NR5A1: variants seen among roughly 807,000 people sequenced by gnomAD.
NR5A1 encodes the protein steroidogenic factor 1.
In NR5A1, 6 loss-of-function variants were observed where a neutral mutation model predicts 42.7. That is an observed-to-expected ratio of 0.14 (90% confidence interval 0.08 to 0.28). The LOEUF (loss-of-function observed/expected upper bound fraction) is 0.28. Among genes scored for constraint, NR5A1 ranks in the 10% least tolerant of loss-of-function variants. The probability of loss-of-function intolerance (pLI) is 1.00; values close to 1 mark genes in which losing one functional copy is unlikely to be tolerated. For missense variants in NR5A1, 442 were observed against 626.4 expected (o/e 0.71, Z 3.14); for synonymous variants, 274 against 277.5 (o/e 0.99, Z 0.12).
intron 3 of NR5A1, among the ~76,000 whole-genome samples, chr9:124,502,703 A>C (rs1206733419): frequency 6.6e-6 from 1 of 152,186 alleles, no homozygotes; most frequent in African/African-American, 2.4e-5. Flanking sequence ...AGCCTGACTG[A>C]CAGTGCGGGC....
In NR5A1 at chr9:124,500,783, T is replaced by C. The variant is rs1832460021; in HGVS notation, c.245-68A>G. ...CCCTTCCATGCTGCCCCACCACAGA[T>C]CCTTTCCAAACAAATCTGACCGCTC... On this transcript the variant is annotated intron_variant, in intron 3 of 6. Transcript: ENST00000373588. This position sits in a 1 kb window ranked among gnomAD's most constrained non-coding sequence, Gnocchi z 6.9. 4 of 1,610,044 alleles carry C rather than the reference T, an allele frequency of 2.5e-6. No individual in the cohort carries two copies. The South Asian group carries it at 4.4e-5, about 18-fold the overall frequency.
At chr9:124,499,971 C>A (rs1057219558) in intron 4 of NR5A1, 119 bp downstream of exon 4, 21 of 1,497,872 alleles carry the variant, frequency 1.4e-5, no homozygotes, top group Non-Finnish European at 1.9e-5. Flanking sequence ...CCTCCGGGTC[C>A]CCAGGTACTG....
chr9:124,504,047 A>AGAC (rs1554721955), intron 1 of NR5A1, among the ~76,000 whole-genome samples: 68 of 130,870 alleles, frequency 5.2e-4, no homozygotes, highest in Non-Finnish European at 9.2e-4. Flanking sequence ...AGAGAGAGAG[A>AGAC]GAGACGAGAG....
chr9:124,484,285 G>T (rs1442022682), intron 6 of NR5A1, among the ~76,000 whole-genome samples: 1 of 152,226 alleles, frequency 6.6e-6, no homozygotes, highest in East Asian at 1.9e-4. Context: ...ATGGTGGCAA[G>T]GAGGGGGCCT....
In NR5A1 at chr9:124,497,786, C is replaced by T. The variant is rs551403593; in HGVS notation, c.870+2304G>A. Among the ~76,000 whole-genome samples the T allele has an allele frequency of 3.3e-5, 5 of 152,360 alleles. No individual in the cohort carries two copies. The East Asian group carries it at 5.8e-4, about 18-fold the overall frequency. On this transcript the variant is annotated intron_variant, in intron 4 of 6. Transcript: ENST00000373588. ...CAGGCCCATTGGAACTCCCGGAACA[C>T]GATGCCTCTTCACATTTCGGGACCT...
Position 124,503,452 on chromosome 9 carries a change from G to A in NR5A1, c.-15-42C>T. On this transcript the variant is annotated intron_variant, in intron 1 of 6. Transcript: ENST00000373588. This position sits in a 1 kb window ranked among gnomAD's most constrained non-coding sequence, Gnocchi z 9.6. ...GGTCAGGGAGGGCCGGCGGAGACCG[G>A]CAGCCTGGGGTCCCCGCGGCCGCCG... 1 of 1,512,450 alleles carries A rather than the reference G, an allele frequency of 6.6e-7. No individual in the cohort carries two copies. The highest frequency in any genetic ancestry group is 2.0e-5 in the Admixed American group (1 of 50,586). The allele number at this position is 1,512,450 out of a possible 1,614,324, so 93.7% of individuals were successfully genotyped here.
chr9:124,503,440 C>G lies in NR5A1; in HGVS notation c.-15-30G>C. On this transcript the variant is annotated intron_variant, in intron 1 of 6. Transcript: ENST00000373588. The surrounding 1 kb of genome is among the most constrained non-coding windows in gnomAD (Gnocchi z 9.6). ...GGAGGGACAGCGGGTCAGGGAGGGC[C>G]GGCGGAGACCGGCAGCCTGGGGTCC... is the stretch of plus-strand genomic sequence containing the variant. 1.3e-6 allele frequency: 2 copies of G among 1,547,258 alleles called. No individual in the cohort carries two copies. The highest frequency in any genetic ancestry group is 1.2e-5 in the South Asian group (1 of 85,038).
At position 124,503,059 on chromosome 9, in the gene NR5A1, G is replaced by A. The variant is rs1472676202; in HGVS notation, c.244+20C>T. The A allele has an allele frequency of 6.4e-7, 1 of 1,555,200 alleles. No individual in the cohort carries two copies. The highest frequency in any genetic ancestry group is 1.2e-5 in the South Asian group (1 of 85,054). ...CTCAGGCTGTGGGGGGTCAGGGGTC[G>A]AGGCCCGCGCGGCGCGCACCTTCCA... On this transcript the variant is annotated intron_variant, in intron 3 of 6. Coordinates refer to ENST00000373588, the MANE Select transcript of NR5A1 (RefSeq NM_004959.5). This position sits in a 1 kb window ranked among gnomAD's most constrained non-coding sequence, Gnocchi z 9.6.
Position 124,482,734 on chromosome 9 carries a change from C to T in NR5A1, c.*24G>A. 4.4e-6 allele frequency: 4 copies of T among 900,784 alleles called. No homozygotes were observed. Among genetic ancestry groups the T allele is most frequent in the Non-Finnish European group, 6.4e-6 (4 of 628,218 alleles). 55.8% of individuals were successfully genotyped at this position (900,784 alleles called of 1,614,324 possible). A position where few individuals can be genotyped will look rare whatever the true frequency, so the allele number is the denominator to read the frequency against. Reference sequence around the variant, plus strand: ...CCCCGCCCCCAGTCCCGCCCCCAGTCCCGGCCCCGCCCCCGGCCCAGGCTC... The same window carrying T: ...CCCCGCCCCCAGTCCCGCCCCCAGTTCCGGCCCCGCCCCCGGCCCAGGCTC... On this transcript the variant is annotated 3_prime_UTR_variant, in exon 7 of 7. Coordinates refer to ENST00000373588, the MANE Select transcript of NR5A1 (RefSeq NM_004959.5).
In NR5A1 at chr9:124,500,940, G is replaced by A. The variant is rs1033427123; in HGVS notation, c.245-225C>T. ...AAGACCCCTCTCCTTCCACTCCACCGAACTCACCTCCACTCCTCTGTTTGA... is the reference window on the plus strand; with the variant it reads ...AAGACCCCTCTCCTTCCACTCCACCAAACTCACCTCCACTCCTCTGTTTGA... On this transcript the variant is annotated intron_variant, in intron 3 of 6. Coordinates refer to ENST00000373588, the MANE Select transcript of NR5A1 (RefSeq NM_004959.5). The surrounding 1 kb of genome is among the most constrained non-coding windows in gnomAD (Gnocchi z 6.9). 17 of 734,174 alleles carry A rather than the reference G, an allele frequency of 2.3e-5. No homozygotes were observed. The highest frequency in any genetic ancestry group is 1.6e-4 in the African/African-American group (9 of 57,520). 45.5% of individuals were successfully genotyped at this position (734,174 alleles called of 1,614,324 possible). A position where few individuals can be genotyped will look rare whatever the true frequency, so the allele number is the denominator to read the frequency against.
chr9:124,500,619 C>T lies in NR5A1; in HGVS notation c.341G>A (p.Arg114Gln), dbSNP rs758926446. The T allele has an allele frequency of 1.9e-5, 31 of 1,613,064 alleles. No individual in the cohort carries two copies. Among genetic ancestry groups the T allele is most frequent in the Non-Finnish European group, 2.4e-5 (28 of 1,180,032 alleles). Residue 114 changes from arginine (R) to glutamine (Q), a missense_variant, in exon 4 of 7, where the codon CGG becomes CAG. Physicochemically the swap from Arg to Gln is conservative, Grantham distance 43. Transcript: ENST00000373588. The surrounding 1 kb of genome is among the most constrained non-coding windows in gnomAD (Gnocchi z 6.9). ...TGTCTCCAGCTTGAAGCCATTGGCC[C>T]GAATCTGTGCCTTCTTCTGCTGTTT... ...ALKQQKKAQIRANGFKLETGP... is the reference protein window; with the variant it reads ...ALKQQKKAQIQANGFKLETGP...
rs1487366579 is a variant in NR5A1, at chr9:124,498,180, C to T, written c.870+1910G>A. 6.6e-6 allele frequency among the ~76,000 whole-genome samples: 1 copy of T among 152,136 alleles called. No individual in the cohort carries two copies. Among genetic ancestry groups the T allele is most frequent in the Non-Finnish European group, 1.5e-5 (1 of 68,024 alleles). On this transcript the variant is annotated intron_variant, in intron 4 of 6. Transcript: ENST00000373588. The surrounding 1 kb of genome is among the most constrained non-coding windows in gnomAD (Gnocchi z 4.6). ...AGACGCCGGAGTCACCCACACCCCT[C>T]CCACTTTTCTGTCTCCTCACCTCTG...
At chr9:124,491,743 G>A (rs1832312312) in intron 5 of NR5A1, among the ~76,000 whole-genome samples, 1 of 151,978 alleles carries the variant, frequency 6.6e-6, no homozygotes, top group Non-Finnish European at 1.5e-5. Context: ...GCACACACGT[G>A]TGCACACGGC....
rs375138640 is a variant in NR5A1, at chr9:124,506,273, C to G, written c.-16+976G>C. On this transcript the variant is annotated intron_variant, in intron 1 of 6. Transcript: ENST00000373588. ...AGTTTTCTCCGAGCATAAAGTGGAA[C>G]ATGTTGGCTTTACAGATGGGGTACT... Among the ~76,000 whole-genome samples, 15 of 152,372 alleles carry G rather than the reference C, an allele frequency of 9.8e-5. No individual in the cohort carries two copies. In the East Asian group the frequency reaches 1.5e-3, roughly 16 times the overall value.
Position 124,482,725 on chromosome 9 carries a change from GCCCCCAGTCCC to G in NR5A1, c.*22_*32del. On this transcript the variant is annotated 3_prime_UTR_variant, in exon 7 of 7. Coordinates refer to ENST00000373588, the MANE Select transcript of NR5A1 (RefSeq NM_004959.5). ...CCGCCCAGGCCCCGCCCCCAGTCCC[GCCCCCAGTCCC>G]GGCCCCGCCCCCGGCCCAGGCTCAA... The G allele has an allele frequency of 6.0e-6, 1 of 167,156 alleles. No homozygotes were observed. Among genetic ancestry groups the G allele is most frequent in the Non-Finnish European group, 1.0e-5 (1 of 96,418 alleles). The allele number at this position is 167,156 out of a possible 1,614,324, so 10.4% of individuals were successfully genotyped here.
chr9:124,504,882 G>GC lies in NR5A1; in HGVS notation c.-15-1473dup, dbSNP rs1350836468. ...CTCGGCTCCCCCCTCCCGCCTCCCC[G>GC]CCCCCCATCCTGCCTCCCTGTTCCC... On this transcript the variant is annotated intron_variant, in intron 1 of 6. Transcript: ENST00000373588. 1.0e-4 allele frequency among the ~76,000 whole-genome samples: 3 copies of GC among 29,524 alleles called. No individual in the cohort carries two copies. In the South Asian group the frequency reaches 2.8e-3, roughly 27 times the overall value. 19.4% of individuals were successfully genotyped at this position (29,524 alleles called of 152,430 possible).
At chr9:124,484,591 A>G (rs1402411464) in intron 6 of NR5A1, among the ~76,000 whole-genome samples, 1 of 151,978 alleles carries the variant, frequency 6.6e-6, no homozygotes, top group Non-Finnish European at 1.5e-5. Flanking sequence ...TCTCTACTAA[A>G]AATACAAAAA....
At chr9:124,484,289 G>C (rs1257447330) in intron 6 of NR5A1, among the ~76,000 whole-genome samples, 1 of 152,226 alleles carries the variant, frequency 6.6e-6, no homozygotes, top group Non-Finnish European at 1.5e-5. Context: ...TGGCAAGGAG[G>C]GGGCCTGGAT....
In NR5A1 at chr9:124,503,631, C is replaced by T. The variant is rs894688413; in HGVS notation, c.-15-221G>A. Among the ~76,000 whole-genome samples the T allele has an allele frequency of 6.6e-6, 1 of 152,148 alleles. No homozygotes were observed. The highest frequency in any genetic ancestry group is 2.4e-5 in the African/African-American group (1 of 41,450). ...CCTGCCAGGCCCCACGCTCCCGCCC[C>T]GTCCGGGGGGCTCCTCCCGCGCGGA... On this transcript the variant is annotated intron_variant, in intron 1 of 6. Transcript: ENST00000373588. The surrounding 1 kb of genome is among the most constrained non-coding windows in gnomAD (Gnocchi z 9.6).
Sources: gnomAD v4.1 joint callset for allele counts (sites outside exome capture counted in the v4.1 genomes callset) on GRCh38, gnomAD v4.1.1 for gene constraint, Gnocchi (gnomAD v3.1) non-coding constraint, MANE v1.5 for transcripts, NCBI Gene and HGNC (gene_info 2026-07-23, HGNC 2026-07-21) for gene names.